ZNF658: variants seen among roughly 807,000 people sequenced by gnomAD.
ZNF658 encodes zinc finger protein 658.
Under a neutral mutation model 78.0 loss-of-function variants are expected in ZNF658, and 46 were observed. The ratio of observed to expected loss-of-function variants is 0.59; its 90% CI spans 0.47 to 0.75. The LOEUF is 0.75. Among genes scored for constraint, ZNF658 ranks in the 30% least tolerant of loss-of-function variants. ZNF658 has a pLI of 0.00. For synonymous variants in ZNF658, 279 were observed against 408.4 expected (o/e 0.68, Z 3.82); for missense variants, 785 against 1,189.3 (o/e 0.66, Z 5.00).
chr9:66,927,096 G>T (rs935525301), intron 6 of ZNF658, among the ~76,000 whole-genome samples: 1 of 152,072 alleles, frequency 6.6e-6, no homozygotes, highest in Non-Finnish European at 1.5e-5. Flanking sequence ...AGACTGTAAA[G>T]CTTCTATAAG....
chr9:66,900,885 G>T (rs987620748), intron 1 of ZNF658, 49 bp downstream of exon 1: 1 of 152,112 alleles, frequency 6.6e-6, no homozygotes, highest in African/African-American at 2.4e-5. Context: ...ACCTGGGGAC[G>T]GGCGGGCTTG....
At chr9:66,914,622 G>T (rs1479943278) in intron 4 of ZNF658, among the ~76,000 whole-genome samples, 1 of 152,026 alleles carries the variant, frequency 6.6e-6, no homozygotes, top group Admixed American at 6.6e-5. Flanking sequence ...AATGGATTTT[G>T]AATTTTGTTA....
chr9:66,922,008 G>T (rs1369364801), downstream of ZNF658, among the ~76,000 whole-genome samples: 3 of 89,972 alleles, frequency 3.3e-5, no homozygotes, highest in African/African-American at 1.2e-4. Context: ...CCCAGTTCGA[G>T]CTTCCTGGCC....
chr9:66,915,091 A>T (rs1232894718), intron 4 of ZNF658, among the ~76,000 whole-genome samples: 2 of 149,394 alleles, frequency 1.3e-5, no homozygotes, highest in East Asian at 3.9e-4. Flanking sequence ...ACACACACAC[A>T]CATACACATA....
chr9:66,930,987 A>T (rs1317882173), intron 6 of ZNF658, among the ~76,000 whole-genome samples: 2 of 152,038 alleles, frequency 1.3e-5, no homozygotes, highest in East Asian at 3.9e-4. Context: ...TAAAGATTTG[A>T]TAGAGAATGG....
Position 66,908,014 on chromosome 9 carries a change from AT to A in ZNF658, c.16-215del, listed in dbSNP as rs1220176715. On this transcript the variant is annotated intron_variant, in intron 2 of 4. Coordinates refer to ENST00000621410, the MANE Select transcript of ZNF658 (RefSeq NM_033160.7). ...GTTGGAAGGAAGTTGTTTTACATTG[AT>A]TTTTTTTTGTCTTACAAAAACCTAG... 1.1e-4 allele frequency among the ~76,000 whole-genome samples: 16 copies of A among 147,800 alleles called. No homozygotes were observed. The East Asian group carries it at 2.9e-3, about 27-fold the overall frequency.
intron 1 of ZNF658, chr9:66,903,158 A>G (rs1206668010): frequency 5.0e-6 from 1 of 198,648 alleles, no homozygotes; most frequent in Non-Finnish European, 1.0e-5. Context: ...ATAAATCAAC[A>G]TAATTATTAG....
At chr9:66,908,526 A>G (rs1822134806) in intron 3 of ZNF658, 113 bp from the exon 4 acceptor site, 4 of 1,454,806 alleles carry the variant, frequency 2.7e-6, no homozygotes, top group South Asian at 1.4e-5. Flanking sequence ...TTACTTTCCC[A>G]TTAAAAATTT....
intron 6 of ZNF658, among the ~76,000 whole-genome samples, chr9:66,931,355 T>G (rs1822642563): frequency 6.6e-6 from 1 of 151,266 alleles, no homozygotes; most frequent in Non-Finnish European, 1.5e-5. Context: ...CCATACAATA[T>G]TTTTTGAAGT....
intron 2 of ZNF658, among the ~76,000 whole-genome samples, chr9:66,903,788 T>C: frequency 6.6e-6 from 1 of 152,240 alleles, no homozygotes; most frequent in South Asian, 2.1e-4. Flanking sequence ...TTCAGATTTA[T>C]TTCTGAGGTT....
chr9:66,918,995 T>G lies in ZNF658; in HGVS notation c.1429T>G (p.Tyr477Asp). The change falls in exon 5 of 5, where the codon TAC becomes GAC. Residue 477 changes from tyrosine to aspartate, a missense_variant. Coordinates refer to ENST00000621410, the MANE Select transcript of ZNF658 (RefSeq NM_033160.7). ...TGATAACAATGGCTGTGGGAGATCT[T>G]ACAAGTCACCCCTCATAGGACACCA... ...PCDNNGCGRS[Y>D]KSPLIGHQKT... 1 of 1,177,702 alleles carries G rather than the reference T, an allele frequency of 8.5e-7. No individual in the cohort carries two copies. The highest frequency in any genetic ancestry group is 2.4e-5 in the East Asian group (1 of 41,642). The allele number at this position is 1,177,702 out of a possible 1,614,324, so 73.0% of individuals were successfully genotyped here.
In ZNF658 at chr9:66,908,709, T is replaced by C. The variant is rs79131704; in HGVS notation, c.213T>C (p.Asp71=). The C allele has an allele frequency of 1.8e-3, 2,923 of 1,609,620 alleles. 48 individuals are homozygous for C. The African/African-American group carries it at 0.035, about 19-fold the overall frequency. ...EKGEEPWSLE[D]EFLNQRYPGY... is the part of the protein sequence containing the mutation. ...GAGAAGAGCCATGGTCTTTAGAAGA[T>C]GAATTCCTGAACCAGAGGTACCCAG... is the stretch of plus-strand genomic sequence containing the variant. The change falls in exon 4 of 5, where the codon GAT becomes GAC. Residue 71 remains aspartate (D), a synonymous_variant. Transcript: ENST00000621410.
At position 66,919,989 on chromosome 9, in the gene ZNF658, T is replaced by G. The variant is rs1321980583; in HGVS notation, c.2423T>G (p.Val808Gly). The change falls in exon 5 of 5, where the codon GTC (valine) becomes GGC (glycine). Residue 808 changes from valine to glycine, a missense_variant. Transcript: ENST00000621410. ...TGTAACGTATGTGGGAAAACTTTTG[T>G]CTATAAGGCAGCCCTCATAGTGCAT... ...YECNVCGKTF[V>G]YKAALIVHQR... 1 of 1,605,558 alleles carries G rather than the reference T, an allele frequency of 6.2e-7. No individual in the cohort carries two copies. The highest frequency in any genetic ancestry group is 2.2e-5 in the East Asian group (1 of 44,492).
chr9:66,904,790 C>A (rs180884080), intron 2 of ZNF658, among the ~76,000 whole-genome samples: 2 of 152,048 alleles, frequency 1.3e-5, no homozygotes, highest in Non-Finnish European at 2.9e-5. Flanking sequence ...GGCAGTCTTG[C>A]CTGTGATGAA....
Position 66,918,754 on chromosome 9 carries a change from A to G in ZNF658, c.1188A>G (p.Lys396=), listed in dbSNP as rs1238637206. 7 of 1,613,868 alleles carry G rather than the reference A, an allele frequency of 4.3e-6. No individual in the cohort carries two copies. The highest frequency in any genetic ancestry group is 2.7e-5 in the African/African-American group (2 of 74,924). ...HGKCRKSFYR[K]AHLIQHQRPH... The stretch of plus-strand genomic sequence containing the variant: ...AATGCAGAAAATCCTTTTACCGGAA[A>G]GCACACCTCATTCAGCATCAGAGGC... Residue 396 remains lysine, a synonymous_variant, in exon 5 of 5, where the codon AAA becomes AAG. Coordinates refer to ENST00000621410, the MANE Select transcript of ZNF658 (RefSeq NM_033160.7).
At chr9:66,910,499 A>C (rs1211048500) in intron 4 of ZNF658, among the ~76,000 whole-genome samples, 1 of 151,732 alleles carries the variant, frequency 6.6e-6, no homozygotes, top group Non-Finnish European at 1.5e-5. Context: ...TAACATAGAA[A>C]GATCATTATA....
chr9:66,925,129 AT>A (rs1279456809), downstream of ZNF658, among the ~76,000 whole-genome samples: 2 of 141,008 alleles, frequency 1.4e-5, no homozygotes, highest in East Asian at 2.0e-4. Flanking sequence ...TTCATAGAAA[AT>A]TTTTGAGAAG....
rs777157759 is a variant in ZNF658 at position 66,920,048 on chromosome 9, T to G, written c.2482T>G (p.Cys828Gly). Residue 828 changes from cysteine to glycine, a missense_variant, in exon 5 of 5, where the codon TGT (cysteine) becomes GGT (glycine). Coordinates refer to ENST00000621410, the MANE Select transcript of ZNF658 (RefSeq NM_033160.7). ...RIHTGEKPYECNQCGKTFSQR... is the reference protein window; with the variant it reads ...RIHTGEKPYEGNQCGKTFSQR... ...TCACACAGGGGAGAAACCCTATGAATGTAACCAATGTGGGAAAACTTTCTC... is the reference window on the plus strand; with the variant it reads ...TCACACAGGGGAGAAACCCTATGAAGGTAACCAATGTGGGAAAACTTTCTC... The G allele has an allele frequency of 3.2e-5, 51 of 1,613,218 alleles. No individual in the cohort carries two copies. Among genetic ancestry groups the G allele is most frequent in the Non-Finnish European group, 4.1e-5 (48 of 1,179,918 alleles).
chr9:66,930,612 A>G (rs1248451909), intron 6 of ZNF658, among the ~76,000 whole-genome samples: 1 of 152,102 alleles, frequency 6.6e-6, no homozygotes, highest in Non-Finnish European at 1.5e-5. Context: ...GATCGAGACC[A>G]TTCTGGTCAA....
Sources: allele counts gnomAD v4.1 joint callset (sites outside exome capture counted in the v4.1 genomes callset), GRCh38; gene constraint gnomAD v4.1.1; transcripts MANE v1.5; gene names NCBI Gene and HGNC (gene_info 2026-07-23, HGNC 2026-07-21).